The following TBCK variants were observed in gnomAD, a reference collection of about 807,000 sequenced individuals.
TBCK encodes TBC domain-containing protein kinase-like protein.
A neutral mutation model predicts 113.4 loss-of-function variants in TBCK; 99 were observed. The ratio of observed to expected loss-of-function variants is 0.87; its 90% CI spans 0.74 to 1.03. The LOEUF is 1.03. TBCK is among the 50% of genes least tolerant of loss of function. The probability of loss-of-function intolerance (pLI) is 0.00; values close to 1 mark genes in which losing one functional copy is unlikely to be tolerated. For missense variants in TBCK, 1,045 were observed against 1,061.3 expected, an observed-to-expected ratio of 0.98 and a Z score of 0.21; for synonymous variants, 369 against 370.8, an observed-to-expected ratio of 1.00 and a Z score of 0.05.
Position 106,242,578 on chromosome 4 carries a change from A to G in TBCK, c.1071-9T>C, listed in dbSNP as rs1222847798. 2 of 1,576,704 alleles carry G rather than the reference A, an allele frequency of 1.3e-6. No homozygotes were observed. The highest frequency in any genetic ancestry group is 1.7e-4 in the Middle Eastern group (1 of 5,880). ...CATCCTCAAAGAGAAAACTGAAAAG[A>G]AATTTTTAAAAATAATATGTACACA... On this transcript the variant is annotated splice_polypyrimidine_tract_variant and intron_variant, in intron 11 of 25. Transcript: ENST00000394708.
chr4:106,107,664 T>C (rs1578912834), intron 24 of TBCK, among the ~76,000 whole-genome samples: 1 of 152,254 alleles, frequency 6.6e-6, no homozygotes, highest in East Asian at 1.9e-4. Context: ...TATCACCAAA[T>C]GTCCACATCA....
chr4:106,144,848 A>AC (rs1243156477), intron 23 of TBCK, among the ~76,000 whole-genome samples: 1 of 150,226 alleles, frequency 6.7e-6, no homozygotes, highest in Non-Finnish European at 1.5e-5. Context: ...TCATGGAGAA[A>AC]CCCCGTCTCT....
chr4:106,145,186 C>T (rs374733816), intron 23 of TBCK, among the ~76,000 whole-genome samples: 2 of 151,670 alleles, frequency 1.3e-5, no homozygotes, highest in African/African-American at 2.4e-5. Flanking sequence ...GGAGTGGTCG[C>T]GTGAGCCTGT....
At chr4:106,109,781 A>C (rs191933519) in intron 24 of TBCK, among the ~76,000 whole-genome samples, 2 of 152,336 alleles carry the variant, frequency 1.3e-5, no homozygotes, top group East Asian at 1.9e-4. Flanking sequence ...AATGGGGCCT[A>C]ATTAAACTTA....
chr4:106,197,225 G>A (rs1754329301), intron 20 of TBCK, among the ~76,000 whole-genome samples: 1 of 151,900 alleles, frequency 6.6e-6, no homozygotes, highest in African/African-American at 2.4e-5. Context: ...GGGAGATCAA[G>A]GTGGCTATAC....
At chr4:106,231,919 T>G in intron 17 of TBCK, 140 bp from the exon 18 acceptor site, 1 of 765,986 alleles carries the variant, frequency 1.3e-6, no homozygotes, top group Non-Finnish European at 2.2e-6. Flanking sequence ...ATATGTTACT[T>G]CATGAGTTAC....
At chr4:106,150,099 G>C (rs2149678775) in intron 23 of TBCK, among the ~76,000 whole-genome samples, 1 of 152,314 alleles carries the variant, frequency 6.6e-6, no homozygotes, top group South Asian at 2.1e-4. Flanking sequence ...AATTAAAAGA[G>C]AGTTGCCCTT....
chr4:106,147,580 A>C (rs1308733016), intron 23 of TBCK, among the ~76,000 whole-genome samples: 1 of 152,168 alleles, frequency 6.6e-6, no homozygotes, highest in Non-Finnish European at 1.5e-5. Context: ...TAAATTGTGA[A>C]GATTTCATGG....
chr4:106,313,560 C>T (rs1230607384), intron 1 of TBCK, among the ~76,000 whole-genome samples: 2 of 152,064 alleles, frequency 1.3e-5, no homozygotes, highest in South Asian at 2.1e-4. Context: ...GGATATATTC[C>T]AGGGAAATAG....
At chr4:106,308,611 T>C (rs1370871573) in intron 2 of TBCK, among the ~76,000 whole-genome samples, 157 bp downstream of exon 2, 1 of 152,042 alleles carries the variant, frequency 6.6e-6, no homozygotes, top group Non-Finnish European at 1.5e-5. Flanking sequence ...TGGGGAAGTG[T>C]ACGAGAGAGA....
chr4:106,180,307 T>C (rs540388549), intron 22 of TBCK, among the ~76,000 whole-genome samples: 65 of 152,184 alleles, frequency 4.3e-4, no homozygotes, highest in Non-Finnish European at 8.7e-4. Context: ...GCTTGTTTTG[T>C]AGACACTTTC....
intron 5 of TBCK, among the ~76,000 whole-genome samples, chr4:106,258,621 CTTCGA>C (rs906929315): frequency 6.6e-6 from 1 of 152,010 alleles, no homozygotes; most frequent in African/African-American, 2.4e-5. Context: ...CACCTCCTTT[CTTCGA>C]TTCATCACTG....
At chr4:106,285,285 T>C (rs928910655) in intron 3 of TBCK, among the ~76,000 whole-genome samples, 5 of 152,164 alleles carry the variant, frequency 3.3e-5, no homozygotes, top group South Asian at 2.1e-4. Context: ...AACAAACTTA[T>C]GTTCTCCTTT....
At chr4:106,053,440 A>T (rs867175714) in intron 25 of TBCK, among the ~76,000 whole-genome samples, 1 of 151,548 alleles carries the variant, frequency 6.6e-6, no homozygotes, top group Non-Finnish European at 1.5e-5. Flanking sequence ...ACTTTCTTCC[A>T]TTAGCCTTCA....
intron 15 of TBCK, 53 bp from the exon 16 acceptor site, chr4:106,233,703 G>A: frequency 7.5e-7 from 1 of 1,341,366 alleles, no homozygotes; most frequent in Non-Finnish European, 1.0e-6. Context: ...AATACAAATA[G>A]TAATATAGAG....
intron 2 of TBCK, chr4:106,297,646 T>C (rs902165621): frequency 6.6e-6 from 1 of 152,226 alleles, no homozygotes; most frequent in Non-Finnish European, 1.5e-5. Context: ...CTATATTATT[T>C]TATCTTAGTT....
chr4:106,303,324 T>C (rs750616615), intron 2 of TBCK, among the ~76,000 whole-genome samples: 15 of 152,202 alleles, frequency 9.9e-5, no homozygotes, highest in Admixed American at 2.6e-4. Flanking sequence ...ACACCAGTGC[T>C]TTTAAGCCCT....
intron 19 of TBCK, among the ~76,000 whole-genome samples, chr4:106,221,269 G>T (rs1757646814): frequency 6.6e-6 from 1 of 152,092 alleles, no homozygotes; most frequent in South Asian, 2.1e-4. Context: ...GCAGGCATGA[G>T]CCACTGTGCC....
intron 20 of TBCK, among the ~76,000 whole-genome samples, chr4:106,206,478 T>C (rs1388955723): frequency 1.3e-5 from 2 of 152,144 alleles, no homozygotes; most frequent in East Asian, 1.9e-4. Context: ...GCCAGTAGAA[T>C]GGGGTTTGTA....
Sources: allele counts gnomAD v4.1 joint callset (sites outside exome capture counted in the v4.1 genomes callset), GRCh38; gene constraint gnomAD v4.1.1; transcripts MANE v1.5; gene names NCBI Gene and HGNC (gene_info 2026-07-23, HGNC 2026-07-21).